The following SLC39A11 variants were observed in gnomAD, a reference collection of about 807,000 sequenced individuals.
SLC39A11 encodes zinc transporter ZIP11.
A neutral mutation model predicts 36.1 loss-of-function variants in SLC39A11; 33 were observed. The observed-to-expected ratio is 0.91, with a 90% CI of 0.69 to 1.22. The LOEUF is 1.22. SLC39A11 is among the 50% of genes most tolerant of loss of function. SLC39A11 has a pLI of 0.00. For missense variants in SLC39A11, 432 were observed against 430.3 expected (o/e 1.00, Z -0.03); for synonymous variants, 166 against 170.3 (o/e 0.97, Z 0.20).
At chr17:72,767,077 A>G (rs977112737) in intron 6 of SLC39A11, among the ~76,000 whole-genome samples, 1 of 152,224 alleles carries the variant, frequency 6.6e-6, no homozygotes, top group Non-Finnish European at 1.5e-5. Flanking sequence ...TTCTTTGTCC[A>G]TAAGAGAGAG....
At chr17:72,673,298 T>C (rs905901837) in intron 7 of SLC39A11, among the ~76,000 whole-genome samples, 7 of 151,986 alleles carry the variant, frequency 4.6e-5, no homozygotes, top group African/African-American at 1.7e-4. Context: ...AGAGACGGGG[T>C]TTCACCATGT....
chr17:72,866,855 GCTAA>G (rs1304661343), intron 5 of SLC39A11, among the ~76,000 whole-genome samples: 33 of 152,268 alleles, frequency 2.2e-4, no homozygotes, highest in South Asian at 6.2e-4. Context: ...ACTTTATTTA[GCTAA>G]CTAACTAAAG....
intron 5 of SLC39A11, among the ~76,000 whole-genome samples, chr17:72,886,213 C>T (rs775133051): frequency 7.9e-5 from 12 of 152,190 alleles, no homozygotes; most frequent in Non-Finnish European, 1.3e-4. Context: ...ACAGGCTCCC[C>T]TGGGCAATCT....
intron 7 of SLC39A11, among the ~76,000 whole-genome samples, chr17:72,658,516 C>A (rs367759216): frequency 3.1e-4 from 47 of 152,306 alleles, no homozygotes; most frequent in East Asian, 1.2e-3. Flanking sequence ...GCTGACTTCT[C>A]TTCTCCAGCA....
intron 7 of SLC39A11, among the ~76,000 whole-genome samples, chr17:72,665,092 T>C (rs1229121992): frequency 6.6e-6 from 1 of 152,230 alleles, no homozygotes; most frequent in Non-Finnish European, 1.5e-5. Context: ...TCTGGACTAC[T>C]AGCTCTGGGG....
chr17:72,670,456 C>T (rs2070976643), intron 7 of SLC39A11, among the ~76,000 whole-genome samples: 1 of 152,060 alleles, frequency 6.6e-6, no homozygotes, highest in Admixed American at 6.6e-5. Context: ...TTGCCTACAG[C>T]AATTATTACT....
chr17:72,787,671 CA>C (rs1373618748), intron 6 of SLC39A11, among the ~76,000 whole-genome samples: 1 of 152,192 alleles, frequency 6.6e-6, no homozygotes, highest in East Asian at 1.9e-4. Flanking sequence ...ACTCAGCCAA[CA>C]AATGTCTGTG....
At chr17:72,953,777 C>T (rs1165253728) in intron 4 of SLC39A11, among the ~76,000 whole-genome samples, 1 of 152,192 alleles carries the variant, frequency 6.6e-6, no homozygotes, top group Non-Finnish European at 1.5e-5. Flanking sequence ...GTCTTAAGTC[C>T]CATCACCTCC....
At chr17:72,801,951 T>C (rs1401483551) in intron 6 of SLC39A11, among the ~76,000 whole-genome samples, 1 of 152,188 alleles carries the variant, frequency 6.6e-6, no homozygotes, top group East Asian at 1.9e-4. Flanking sequence ...ACATTTAGAC[T>C]AAAACAACTC....
chr17:73,014,800 G>A (rs1467083402), intron 4 of SLC39A11, among the ~76,000 whole-genome samples: 2 of 152,162 alleles, frequency 1.3e-5, no homozygotes, highest in Non-Finnish European at 2.9e-5. Context: ...CTTGCCTCTG[G>A]ACTGGACATA....
intron 7 of SLC39A11, among the ~76,000 whole-genome samples, chr17:72,662,299 G>A (rs2070462802): frequency 1.4e-5 from 2 of 138,746 alleles, no homozygotes; most frequent in Non-Finnish European, 1.5e-5. Context: ...AAAGAAAAGA[G>A]GAAAGGAAGA....
At chr17:72,935,526 T>A (rs916742905) in intron 5 of SLC39A11, among the ~76,000 whole-genome samples, 5 of 152,224 alleles carry the variant, frequency 3.3e-5, no homozygotes, top group Non-Finnish European at 5.9e-5. Flanking sequence ...ATGAGCTTTA[T>A]GATATATTAA....
At chr17:72,720,779 G>A (rs994176079) in intron 7 of SLC39A11, among the ~76,000 whole-genome samples, 4 of 152,148 alleles carry the variant, frequency 2.6e-5, no homozygotes, top group Admixed American at 2.6e-4. Flanking sequence ...GAAAAGCAAC[G>A]CATCAAGGTC....
intron 3 of SLC39A11, among the ~76,000 whole-genome samples, chr17:73,053,161 G>A (rs2059561568): frequency 6.6e-6 from 1 of 152,038 alleles, no homozygotes; most frequent in South Asian, 2.1e-4. Flanking sequence ...ATTCCAGCCT[G>A]GGCAACAGAG....
At chr17:72,662,265 T>G (rs747482127) in intron 7 of SLC39A11, among the ~76,000 whole-genome samples, 17 of 149,882 alleles carry the variant, frequency 1.1e-4, no homozygotes, top group Non-Finnish European at 1.9e-4. Context: ...ATGAGGCCTT[T>G]TTTTAGAAAG....
At chr17:72,650,032 C>CA (rs1278750316) in intron 7 of SLC39A11, among the ~76,000 whole-genome samples, 1 of 152,240 alleles carries the variant, frequency 6.6e-6, no homozygotes, top group Admixed American at 6.5e-5. Flanking sequence ...TATTCTGTTA[C>CA]AGCACAGAAA....
chr17:72,831,039 G>C (rs2078263451), intron 6 of SLC39A11, among the ~76,000 whole-genome samples: 1 of 152,132 alleles, frequency 6.6e-6, no homozygotes, highest in Middle Eastern at 3.2e-3. Flanking sequence ...CTGGAGGAAA[G>C]TGTTTGATTA....
chr17:73,073,701 C>T (rs977006590), intron 3 of SLC39A11: 4 of 152,248 alleles, frequency 2.6e-5, no homozygotes, highest in Non-Finnish European at 4.4e-5. Context: ...CAAGGTCAGG[C>T]CTAGGAAGTC....
At chr17:72,723,748 C>A (rs1224519065) in intron 7 of SLC39A11, among the ~76,000 whole-genome samples, 9 of 152,168 alleles carry the variant, frequency 5.9e-5, no homozygotes, top group African/African-American at 2.2e-4. Flanking sequence ...ACCTTGTGGG[C>A]AATCTCAGGT....
Sources: gnomAD v4.1 joint callset for allele counts (sites outside exome capture counted in the v4.1 genomes callset) on GRCh38, gnomAD v4.1.1 for gene constraint, MANE v1.5 for transcripts, NCBI Gene and HGNC (gene_info 2026-07-23, HGNC 2026-07-21) for gene names.